The following KCTD8 variants were observed in gnomAD, a reference collection of about 807,000 sequenced individuals.
KCTD8 encodes BTB/POZ domain-containing protein KCTD8.
KCTD8 carries 27 observed loss-of-function variants against 31.5 expected under a neutral mutation model. The observed-to-expected ratio is 0.86, with a 90% confidence interval of 0.63 to 1.18. The LOEUF (loss-of-function observed/expected upper bound fraction) is 1.18. Among genes scored for constraint, KCTD8 ranks in the 50% most tolerant of loss-of-function variants. The pLI is 0.00. For missense variants in KCTD8, 658 were observed against 647.7 expected (o/e 1.02, Z -0.17); for synonymous variants, 290 against 280.0 (o/e 1.04, Z -0.36).
intron 1 of KCTD8, among the ~76,000 whole-genome samples, chr4:44,330,153 C>T (rs930527673): frequency 6.6e-6 from 1 of 151,804 alleles, no homozygotes; most frequent in Non-Finnish European, 1.5e-5. Flanking sequence ...ACGTTTGAAT[C>T]TAATTAGGTG....
intron 1 of KCTD8, among the ~76,000 whole-genome samples, chr4:44,219,792 T>A (rs1714753852): frequency 6.6e-6 from 1 of 152,206 alleles, no homozygotes; most frequent in African/African-American, 2.4e-5. Context: ...ATTAGAGATA[T>A]TTTTTGGTCA....
At chr4:44,208,174 C>A (rs1690583688) in intron 1 of KCTD8, among the ~76,000 whole-genome samples, 2 of 152,126 alleles carry the variant, frequency 1.3e-5, no homozygotes, top group African/African-American at 4.8e-5. Flanking sequence ...CTCAAATTCC[C>A]CAGCAATTAT....
chr4:44,320,696 A>G (rs1449916236), intron 1 of KCTD8, among the ~76,000 whole-genome samples: 1 of 152,158 alleles, frequency 6.6e-6, no homozygotes, highest in Admixed American at 6.5e-5. Context: ...CACAACAGTA[A>G]AGCAGTAGCT....
chr4:44,283,662 T>C (rs62304826), intron 1 of KCTD8, among the ~76,000 whole-genome samples: 35,134 of 152,022 alleles, frequency 0.23, 4,800 homozygotes, highest in Non-Finnish European at 0.31. Context: ...TGAGACCTAC[T>C]ACATAGAAAA....
chr4:44,207,565 C>G (rs141199657), intron 1 of KCTD8, among the ~76,000 whole-genome samples: 2 of 152,290 alleles, frequency 1.3e-5, no homozygotes, highest in East Asian at 3.9e-4. Flanking sequence ...CTGAAAGTCC[C>G]TGCACATTCA....
chr4:44,264,411 G>C (rs919000576), intron 1 of KCTD8, among the ~76,000 whole-genome samples: 19 of 152,124 alleles, frequency 1.2e-4, no homozygotes. Context: ...CAGTTTTCTA[G>C]GCTCATCAGA....
chr4:44,182,016 G>C (rs1300856736), intron 1 of KCTD8, among the ~76,000 whole-genome samples: 1 of 151,250 alleles, frequency 6.6e-6, no homozygotes, highest in Non-Finnish European at 1.5e-5. Context: ...CCTCCGCCTG[G>C]CAGCTGCCCT....
At chr4:44,233,541 GCAAATATAGTTGC>G (rs1247838199) in intron 1 of KCTD8, among the ~76,000 whole-genome samples, 2 of 152,092 alleles carry the variant, frequency 1.3e-5, no homozygotes, top group African/African-American at 4.8e-5. Flanking sequence ...CTTCAACATG[GCAAATATAGTTGC>G]CCCCAGGTTT....
At chr4:44,305,746 C>A (rs1421762797) in intron 1 of KCTD8, among the ~76,000 whole-genome samples, 2 of 151,584 alleles carry the variant, frequency 1.3e-5, no homozygotes, top group Non-Finnish European at 3.0e-5. Context: ...CAATTTTTTA[C>A]CCCAAAATGA....
chr4:44,306,180 A>G (rs1471814233), intron 1 of KCTD8, among the ~76,000 whole-genome samples: 1 of 152,038 alleles, frequency 6.6e-6, no homozygotes, highest in Non-Finnish European at 1.5e-5. Flanking sequence ...TAAAAACAGA[A>G]GATTATAAAT....
intron 1 of KCTD8, among the ~76,000 whole-genome samples, chr4:44,366,632 T>A (rs112709315): frequency 1.3e-3 from 196 of 152,152 alleles, no homozygotes; most frequent in African/African-American, 4.4e-3. Flanking sequence ...TACAGAGATG[T>A]AGCCATGCGG....
Position 44,329,593 on chromosome 4 carries a change from T to C in KCTD8, c.961+117970A>G, listed in dbSNP as rs150622707. 3.2e-4 allele frequency among the ~76,000 whole-genome samples: 48 copies of C among 152,092 alleles called. 1 individual carries two copies. The East Asian group carries it at 8.7e-3, about 28-fold the overall frequency. On this transcript the variant is annotated intron_variant, in intron 1 of 1. Transcript: ENST00000360029. ...ATGTAACACATCCATTATTCTCACATTCTTGATCTTAATCAGAAATACAAT... is the reference window on the plus strand; with the variant it reads ...ATGTAACACATCCATTATTCTCACACTCTTGATCTTAATCAGAAATACAAT...
intron 1 of KCTD8, among the ~76,000 whole-genome samples, chr4:44,245,990 A>G (rs1169255292): frequency 6.6e-6 from 1 of 152,102 alleles, no homozygotes; most frequent in Non-Finnish European, 1.5e-5. Context: ...ACAAACAAGC[A>G]AGAAACAATC....
chr4:44,210,057 C>T (rs1017299784), intron 1 of KCTD8, among the ~76,000 whole-genome samples: 9 of 152,132 alleles, frequency 5.9e-5, no homozygotes. Context: ...GGCAAATTAA[C>T]CTCTCTGAAT....
intron 1 of KCTD8, among the ~76,000 whole-genome samples, chr4:44,433,518 T>A (rs1721563779): frequency 6.6e-6 from 1 of 151,682 alleles, no homozygotes. Flanking sequence ...TAAGTCTGCA[T>A]TTTACACTCC....
chr4:44,174,980 T>A lies in KCTD8; in HGVS notation c.1232A>T (p.Glu411Val). ...CTTGCTGATGAGGGTCTGAAAGAGT[T>A]CACTGTTTCTGCGTTTGTCTGGTGG... ...IPPPDKRRNS[E>V]LFQTLISKSR... The change falls in exon 2 of 2, where the codon GAA (glutamate) becomes GTA (valine). Residue 411 changes from glutamate to valine, a missense_variant. By Grantham distance (121) the Glu-to-Val change is moderately radical (BLOSUM62 -2). Transcript: ENST00000360029. 1 of 1,614,162 alleles carries A rather than the reference T, an allele frequency of 6.2e-7. No individual in the cohort carries two copies. Among genetic ancestry groups the A allele is most frequent in the Non-Finnish European group, 8.5e-7 (1 of 1,180,008 alleles).
intron 1 of KCTD8, among the ~76,000 whole-genome samples, chr4:44,240,205 A>G (rs1402813510): frequency 6.6e-6 from 1 of 152,328 alleles, no homozygotes; most frequent in East Asian, 1.9e-4. Context: ...TTTGGCAGCC[A>G]TAAATGGTGT....
intron 1 of KCTD8, among the ~76,000 whole-genome samples, chr4:44,326,333 AT>A (rs903098043): frequency 6.6e-6 from 1 of 151,564 alleles, no homozygotes; most frequent in Admixed American, 6.6e-5. Context: ...AGCTGTCTGC[AT>A]TTTTTTGCAT....
rs183710330 is a variant in KCTD8 at position 44,285,705 on chromosome 4, C to T, written c.962-110455G>A. ...GTGTGTAAGATTGGTGTTGTTTTCC[C>T]GCCTGCTAACACAACATCTATTCTG... On this transcript the variant is annotated intron_variant, in intron 1 of 1. Coordinates refer to ENST00000360029, the MANE Select transcript of KCTD8 (RefSeq NM_198353.3). 7.9e-5 allele frequency among the ~76,000 whole-genome samples: 12 copies of T among 152,168 alleles called. No individual in the cohort carries two copies. In the South Asian group the frequency reaches 1.0e-3, roughly 13 times the overall value.
Sources: gnomAD v4.1 joint callset for allele counts (sites outside exome capture counted in the v4.1 genomes callset) on GRCh38, gnomAD v4.1.1 for gene constraint, MANE v1.5 for transcripts, NCBI Gene and HGNC (gene_info 2026-07-23, HGNC 2026-07-21) for gene names.